GFRA3: variants seen among roughly 807,000 people sequenced by gnomAD.
GFRA3 encodes the protein GDNF family receptor alpha-3.
GFRA3 carries 24 observed loss-of-function variants against 40.0 expected under a neutral mutation model. That is an observed-to-expected ratio of 0.60 (90% CI 0.43 to 0.84). The LOEUF (loss-of-function observed/expected upper bound fraction) is 0.84. GFRA3 is among the 40% of genes least tolerant of loss of function. GFRA3 has a pLI of 0.00. For synonymous variants in GFRA3, 203 were observed against 213.5 expected (o/e 0.95, Z 0.43); for missense variants, 405 against 530.6 (o/e 0.76, Z 2.33).
intron 2 of GFRA3, 34 bp downstream of exon 2, chr5:138,264,227 C>T: frequency 6.5e-7 from 1 of 1,528,418 alleles, no homozygotes; most frequent in Non-Finnish European, 8.9e-7. Flanking sequence ...AGCCATCTTC[C>T]CCAGCTTAGT....
chr5:138,262,932 C>G (rs750674948), intron 2 of GFRA3, among the ~76,000 whole-genome samples: 4 of 152,134 alleles, frequency 2.6e-5, no homozygotes, highest in African/African-American at 9.6e-5. Flanking sequence ...AGACTTGAAG[C>G]CTGATGTCAT....
intron 1 of GFRA3, 74 bp downstream of exon 1, chr5:138,274,260 G>T: frequency 7.7e-7 from 1 of 1,305,274 alleles, no homozygotes. Flanking sequence ...CTCCGGACAG[G>T]TGCCCCGGGC....
chr5:138,265,636 T>C (rs1382614821), intron 1 of GFRA3, among the ~76,000 whole-genome samples: 1 of 152,126 alleles, frequency 6.6e-6, no homozygotes, highest in East Asian at 1.9e-4. Flanking sequence ...CAAGCCACCA[T>C]CAACTCTTCT....
intron 7 of GFRA3, 25 bp from the exon 8 acceptor site, chr5:138,253,082 A>G (rs1210395501): frequency 7.5e-7 from 1 of 1,326,524 alleles, no homozygotes. Flanking sequence ...GAATGGAGTT[A>G]GCTCAGGGGA....
chr5:138,271,331 T>G (rs907726611), intron 1 of GFRA3, among the ~76,000 whole-genome samples: 18 of 152,162 alleles, frequency 1.2e-4, no homozygotes, highest in Non-Finnish European at 5.9e-5. Context: ...GTTGTAAACA[T>G]TTTCAAAAGA....
intron 1 of GFRA3, chr5:138,267,604 G>A (rs33967909): frequency 0.27 from 56,804 of 211,410 alleles, 8,348 homozygotes; most frequent in East Asian, 0.61. Context: ...AAGCACATCC[G>A]TCTTCCAGTT....
In GFRA3 at chr5:138,257,026, G is replaced by A. The variant is rs374063210; in HGVS notation, c.785+613C>T. ...ATTTATTGAGCACTTACTCTTCACC[G>A]GTACTCTACACCACTCTACATAAAT... is the stretch of plus-strand genomic sequence containing the variant. On this transcript the variant is annotated intron_variant, in intron 4 of 7. Transcript: ENST00000274721. 6.6e-5 allele frequency among the ~76,000 whole-genome samples: 10 copies of A among 151,126 alleles called. No individual in the cohort carries two copies. The East Asian group carries it at 1.8e-3, about 27-fold the overall frequency.
At chr5:138,256,267 G>A (rs909683722) in intron 4 of GFRA3, among the ~76,000 whole-genome samples, 1 of 149,176 alleles carries the variant, frequency 6.7e-6, no homozygotes, top group African/African-American at 2.5e-5. Context: ...GGTGGCTTAT[G>A]CCTGTTATCC....
chr5:138,272,351 G>T (rs1343999943), intron 1 of GFRA3, among the ~76,000 whole-genome samples: 3 of 150,548 alleles, frequency 2.0e-5, no homozygotes, highest in Non-Finnish European at 4.4e-5. Flanking sequence ...TTAAAAATCA[G>T]ATTTTAGGCC....
chr5:138,266,487 T>G (rs1460197962), intron 1 of GFRA3, among the ~76,000 whole-genome samples: 1 of 152,146 alleles, frequency 6.6e-6, no homozygotes, highest in African/African-American at 2.4e-5. Flanking sequence ...GAAATAAAGT[T>G]TTTGTTGAGG....
intron 2 of GFRA3, among the ~76,000 whole-genome samples, chr5:138,261,761 A>C (rs1009506285): frequency 6.6e-6 from 1 of 151,756 alleles, no homozygotes; most frequent in African/African-American, 2.4e-5. Context: ...TTCATAAGGT[A>C]AAAGATAAAA....
chr5:138,253,906 A>C lies in GFRA3; in HGVS notation c.890-6T>G. On this transcript the variant is annotated splice_region_variant and splice_polypyrimidine_tract_variant and intron_variant, in intron 5 of 7. Coordinates refer to ENST00000274721, the MANE Select transcript of GFRA3 (RefSeq NM_001496.4). ...GTTGGGGGTCATGGCAGTCCCTGTG[A>C]AGAGGGAAAGGGTAGTCAAGGCCTA... 5.0e-6 allele frequency: 8 copies of C among 1,613,106 alleles called. No individual in the cohort carries two copies. Among genetic ancestry groups the C allele is most frequent in the Non-Finnish European group, 6.8e-6 (8 of 1,179,192 alleles).
chr5:138,252,880 C>G lies in GFRA3; in HGVS notation c.*88G>C. The G allele has an allele frequency of 1.3e-6, 1 of 743,288 alleles. No individual in the cohort carries two copies. Among genetic ancestry groups the G allele is most frequent in the Non-Finnish European group, 2.4e-6 (1 of 416,836 alleles). The allele number at this position is 743,288 out of a possible 1,614,324, so 46.0% of individuals were successfully genotyped here. A position where few individuals can be genotyped will look rare whatever the true frequency, so the allele number is the denominator to read the frequency against. On this transcript the variant is annotated 3_prime_UTR_variant, in exon 8 of 8. Coordinates refer to ENST00000274721, the MANE Select transcript of GFRA3 (RefSeq NM_001496.4). ...TGCCCTCATCTGCGCACTGCACCTC[C>G]TTCCTGCTGCTGTCCTTTCCTCACC...
Position 138,252,925 on chromosome 5 carries a change from A to C in GFRA3, c.*43T>G. The stretch of plus-strand genomic sequence containing the variant: ...CTCACCCCTTGTGGGCTGCAAGTCC[A>C]CCTGGGTGTGGTGGAGGGGAAGAGG... On this transcript the variant is annotated 3_prime_UTR_variant, in exon 8 of 8. Transcript: ENST00000274721. 1 of 1,087,914 alleles carries C rather than the reference A, an allele frequency of 9.2e-7. No individual in the cohort carries two copies. 67.4% of individuals were successfully genotyped at this position (1,087,914 alleles called of 1,614,324 possible). A position where few individuals can be genotyped will look rare whatever the true frequency, so the allele number is the denominator to read the frequency against.
At chr5:138,269,130 C>T (rs950960534) in intron 1 of GFRA3, among the ~76,000 whole-genome samples, 3 of 152,014 alleles carry the variant, frequency 2.0e-5, no homozygotes, top group South Asian at 4.1e-4. Flanking sequence ...ATCAAAAAAT[C>T]AAAAAACAGT....
intron 2 of GFRA3, 132 bp downstream of exon 2, chr5:138,264,129 C>T: frequency 1.3e-6 from 1 of 756,490 alleles, no homozygotes; most frequent in South Asian, 2.0e-5. Flanking sequence ...TCCACCTTTC[C>T]TGATGTCAAA....
intron 2 of GFRA3, 99 bp downstream of exon 2, chr5:138,264,162 C>T (rs1264800997): frequency 1.1e-6 from 1 of 899,382 alleles, no homozygotes; most frequent in East Asian, 2.4e-5. Context: ...TTATCCTCCT[C>T]CTCAGATTCT....
chr5:138,257,946 C>T lies in GFRA3; in HGVS notation c.478G>A (p.Asp160Asn). The change falls in exon 4 of 8, where the codon GAC (aspartate) becomes AAC (asparagine). Residue 160 changes from aspartate (D) to asparagine (N), a missense_variant. Transcript: ENST00000274721. The stretch of plus-strand genomic sequence containing the variant: ...AGCATGGCAAACTTGAGGCAGAGGT[C>T]TGAGTCTGGGGGGAAAGGGCACGGA... ...SKLNMLKPDS[D>N]LCLKFAMLCT... The T allele has an allele frequency of 6.2e-7, 1 of 1,613,946 alleles. No individual in the cohort carries two copies. The highest frequency in any genetic ancestry group is 1.1e-5 in the South Asian group (1 of 91,084).
chr5:138,255,023 GAGGA>G (rs71585109), intron 4 of GFRA3, among the ~76,000 whole-genome samples: 44,473 of 149,450 alleles, frequency 0.3, 7,445 homozygotes, highest in South Asian at 0.42. Flanking sequence ...AGGAGAGAGA[GAGGA>G]AGGAAGGAAG....
Sources: allele counts gnomAD v4.1 joint callset (sites outside exome capture counted in the v4.1 genomes callset), GRCh38; gene constraint gnomAD v4.1.1; transcripts MANE v1.5; gene names NCBI Gene and HGNC (gene_info 2026-07-23, HGNC 2026-07-21).